Variants in JAZF1 observed in about 807,000 individuals in gnomAD.
JAZF1 encodes juxtaposed with another zinc finger protein 1.
A neutral mutation model predicts 26.4 loss-of-function variants in JAZF1; 8 were observed. The ratio of observed to expected loss-of-function variants is 0.30; its 90% CI spans 0.18 to 0.55. The LOEUF (loss-of-function observed/expected upper bound fraction) is 0.55. JAZF1 is among the 20% of genes least tolerant of loss of function. The pLI is 0.94. For synonymous variants in JAZF1, 126 were observed against 122.3 expected, an observed-to-expected ratio of 1.03 and a Z score of -0.20; for missense variants, 199 against 322.0, an observed-to-expected ratio of 0.62 and a Z score of 2.92.
chr7:28,135,769 C>A (rs962608603), intron 1 of JAZF1, among the ~76,000 whole-genome samples: 12 of 152,092 alleles, frequency 7.9e-5, no homozygotes, highest in African/African-American at 2.7e-4. Flanking sequence ...TACAGCAACA[C>A]CAAGAACAAA....
intron 1 of JAZF1, among the ~76,000 whole-genome samples, chr7:28,037,932 C>T (rs534783408): frequency 2.6e-5 from 4 of 152,332 alleles, no homozygotes; most frequent in African/African-American, 9.6e-5. Flanking sequence ...CTTTTCTCTA[C>T]TCTAGTCACA....
chr7:27,867,658 C>T (rs1431826058), intron 3 of JAZF1, among the ~76,000 whole-genome samples: 1 of 152,164 alleles, frequency 6.6e-6, no homozygotes, highest in Non-Finnish European at 1.5e-5. Flanking sequence ...TTGACATAAG[C>T]GATTGGGAGA....
intron 2 of JAZF1, among the ~76,000 whole-genome samples, chr7:27,960,384 CT>C (rs1221257792): frequency 6.6e-6 from 1 of 152,230 alleles, no homozygotes; most frequent in Non-Finnish European, 1.5e-5. Flanking sequence ...TGCACAATTT[CT>C]TTAGGTTACA....
intron 1 of JAZF1, among the ~76,000 whole-genome samples, chr7:28,153,708 C>T (rs1461611084): frequency 2.0e-5 from 3 of 152,194 alleles, no homozygotes; most frequent in Non-Finnish European, 4.4e-5. Flanking sequence ...TCATTCATGG[C>T]TTCCAGAGCC....
In JAZF1 at chr7:28,101,945, T is replaced by C. The variant is rs139872747; in HGVS notation, c.115+78518A>G. ...AGATATATTTTTAACAGAATACAGC[T>C]AGAGGGATAAAATGCTAATTTTCTA... On this transcript the variant is annotated intron_variant, in intron 1 of 4. Transcript: ENST00000283928. 3.3e-4 allele frequency among the ~76,000 whole-genome samples: 50 copies of C among 152,062 alleles called. 1 individual carries two copies. Among genetic ancestry groups the C allele is most frequent in the African/African-American group, 1.1e-3 (44 of 41,386 alleles).
intron 1 of JAZF1, among the ~76,000 whole-genome samples, chr7:27,999,152 C>T (rs1482137088): frequency 6.6e-6 from 1 of 152,160 alleles, no homozygotes; most frequent in Non-Finnish European, 1.5e-5. Flanking sequence ...TATCTGTATA[C>T]AGCAGCCCTG....
chr7:28,155,580 T>C (rs1252467306), intron 1 of JAZF1, among the ~76,000 whole-genome samples: 2 of 152,224 alleles, frequency 1.3e-5, no homozygotes, highest in Non-Finnish European at 2.9e-5. Context: ...TGGCCTGCAC[T>C]AAGTAATCCT....
rs1275196744 is a variant in JAZF1 at position 27,831,947 on chromosome 7, G to A, written c.*853C>T. 2 of 219,380 alleles carry A rather than the reference G, an allele frequency of 9.1e-6. No homozygotes were observed. The highest frequency in any genetic ancestry group is 4.5e-5 in the African/African-American group (2 of 44,534). The allele number at this position is 219,380 out of a possible 1,614,324, so 13.6% of individuals were successfully genotyped here. A position where few individuals can be genotyped will look rare whatever the true frequency, so the allele number is the denominator to read the frequency against. On this transcript the variant is annotated 3_prime_UTR_variant, in exon 5 of 5. Coordinates refer to ENST00000283928, the MANE Select transcript of JAZF1 (RefSeq NM_175061.4). ...TCACACACACACACTTTGCACTGAA[G>A]TATTTCAAAGTCTTTTCTAACAGAT... is the stretch of plus-strand genomic sequence containing the variant.
intron 1 of JAZF1, among the ~76,000 whole-genome samples, chr7:28,111,986 AT>A (rs1784668211): frequency 6.6e-6 from 1 of 152,166 alleles, no homozygotes; most frequent in Non-Finnish European, 1.5e-5. Flanking sequence ...CCAACATCTA[AT>A]TTTTAATCGT....
chr7:28,053,709 T>C (rs1228569778), intron 1 of JAZF1, among the ~76,000 whole-genome samples: 2 of 152,126 alleles, frequency 1.3e-5, no homozygotes, highest in African/African-American at 2.4e-5. Flanking sequence ...TGAAATGAAA[T>C]AGCTTTTCTT....
intron 3 of JAZF1, among the ~76,000 whole-genome samples, chr7:27,890,859 G>A (rs571816433): frequency 7.5e-5 from 11 of 146,234 alleles, no homozygotes; most frequent in Admixed American, 7.1e-4. Context: ...GTGCAATCTC[G>A]GCTCACCGCA....
Position 27,840,594 on chromosome 7 carries a change from C to T in JAZF1, c.555+104G>A, listed in dbSNP as rs191472080. 28 of 1,206,318 alleles carry T rather than the reference C, an allele frequency of 2.3e-5. No homozygotes were observed. In the African/African-American group the frequency reaches 3.9e-4, roughly 17 times the overall value. 74.7% of individuals were successfully genotyped at this position (1,206,318 alleles called of 1,614,324 possible). ...TAATGCAGGAGAGGGGAGTGTCTCC[C>T]CCCAGCCCATACGCTCGCTTTAAAA... On this transcript the variant is annotated intron_variant, in intron 4 of 4. Coordinates refer to ENST00000283928, the MANE Select transcript of JAZF1 (RefSeq NM_175061.4). The surrounding 1 kb of genome is among the most constrained non-coding windows in gnomAD (Gnocchi z 5.1).
chr7:28,123,901 A>G (rs1382703841), intron 1 of JAZF1, among the ~76,000 whole-genome samples: 1 of 152,208 alleles, frequency 6.6e-6, no homozygotes, highest in East Asian at 1.9e-4. Context: ...AGAAGTCACA[A>G]CCAAGAAACC....
At chr7:27,952,098 T>C (rs1475040150) in intron 2 of JAZF1, among the ~76,000 whole-genome samples, 2 of 152,174 alleles carry the variant, frequency 1.3e-5, no homozygotes, top group Non-Finnish European at 2.9e-5. Context: ...CATGGCACTA[T>C]AATAATGAGT....
At chr7:28,055,616 G>T (rs901361613) in intron 1 of JAZF1, among the ~76,000 whole-genome samples, 12 of 152,178 alleles carry the variant, frequency 7.9e-5, no homozygotes, top group Admixed American at 6.5e-5. Flanking sequence ...AATTAATAAT[G>T]TTTTAATATC....
chr7:28,090,635 T>C (rs1246262457), intron 1 of JAZF1, among the ~76,000 whole-genome samples: 2 of 152,116 alleles, frequency 1.3e-5, no homozygotes, highest in Non-Finnish European at 2.9e-5. Context: ...TCCCACATAA[T>C]AGAGAAGAAA....
At chr7:27,887,921 C>A (rs1396276731) in intron 3 of JAZF1, among the ~76,000 whole-genome samples, 1 of 152,060 alleles carries the variant, frequency 6.6e-6, no homozygotes, top group Non-Finnish European at 1.5e-5. Flanking sequence ...GACCATGACA[C>A]TCAGGCAGAG....
At chr7:27,954,438 A>G (rs1206823669) in intron 2 of JAZF1, among the ~76,000 whole-genome samples, 1 of 152,124 alleles carries the variant, frequency 6.6e-6, no homozygotes, top group Non-Finnish European at 1.5e-5. Flanking sequence ...CTAATTTAGG[A>G]TGGTGGCTTT....
chr7:27,867,729 C>CA (rs1180213292), intron 3 of JAZF1, among the ~76,000 whole-genome samples: 1 of 152,236 alleles, frequency 6.6e-6, no homozygotes, highest in East Asian at 1.9e-4. Flanking sequence ...ATCTAAAAAT[C>CA]AGTCAGAATT....
Sources: allele counts gnomAD v4.1 joint callset (sites outside exome capture counted in the v4.1 genomes callset), GRCh38; gene constraint gnomAD v4.1.1; non-coding constraint Gnocchi (gnomAD v3.1); transcripts MANE v1.5; gene names NCBI Gene and HGNC (gene_info 2026-07-23, HGNC 2026-07-21).